RLF: variants seen among roughly 807,000 people sequenced by gnomAD.
The protein encoded by RLF is zinc finger protein Rlf.
Under a neutral mutation model 162.9 loss-of-function variants are expected in RLF, and 7 were observed. The observed-to-expected ratio is 0.04, with a 90% confidence interval of 0.02 to 0.08. RLF has a LOEUF of 0.08. RLF is among the 10% of genes least tolerant of loss of function. RLF has a pLI of 1.00. For synonymous variants in RLF, 782 were observed against 791.5 expected (o/e 0.99, Z 0.20); for missense variants, 1,664 against 2,244.7 (o/e 0.74, Z 5.23).
chr1:40,231,130 G>A (rs370483758), intron 6 of RLF, among the ~76,000 whole-genome samples: 3 of 152,190 alleles, frequency 2.0e-5, no homozygotes, highest in Admixed American at 6.5e-5. Flanking sequence ...TATATATTTC[G>A]TTGTTAATTT....
intron 5 of RLF, among the ~76,000 whole-genome samples, chr1:40,217,136 TC>T (rs1480118107): frequency 6.6e-6 from 1 of 152,084 alleles, no homozygotes; most frequent in Non-Finnish European, 1.5e-5. Context: ...CCTCACCTTC[TC>T]CTTTTTTTCT....
At chr1:40,219,379 A>G (rs939188266) in intron 5 of RLF, among the ~76,000 whole-genome samples, 1 of 152,208 alleles carries the variant, frequency 6.6e-6, no homozygotes, top group African/African-American at 2.4e-5. Flanking sequence ...AATAAGATCT[A>G]GTATCTGTTT....
chr1:40,163,840 T>A (rs1557734430), intron 1 of RLF, among the ~76,000 whole-genome samples: 2 of 152,212 alleles, frequency 1.3e-5, no homozygotes, highest in Admixed American at 6.5e-5. Flanking sequence ...ATAGAAAATT[T>A]GTGTACAAGT....
In RLF at chr1:40,237,643, T is replaced by C. The variant is rs559604336; in HGVS notation, c.2941T>C (p.Tyr981His). 5.0e-5 allele frequency: 80 copies of C among 1,613,992 alleles called. No homozygotes were observed. Among genetic ancestry groups the C allele is most frequent in the Non-Finnish European group, 5.5e-5 (65 of 1,180,004 alleles). Residue 981 changes from tyrosine to histidine, a missense_variant, in exon 8 of 8, where the codon TAC (tyrosine) becomes CAC (histidine). Transcript: ENST00000372771. The surrounding 1 kb of genome is among the most constrained non-coding windows in gnomAD (Gnocchi z 4.4). The part of the protein sequence containing the change: ...MQKHLRKVHP[Y>H]HFKPKKIKTK... ...GAAACATTTACGGAAGGTTCATCCA[T>C]ACCATTTCAAGCCCAAAAAGATAAA...
chr1:40,201,963 CTT>C (rs1214249690), intron 4 of RLF, among the ~76,000 whole-genome samples: 2 of 152,076 alleles, frequency 1.3e-5, no homozygotes, highest in Non-Finnish European at 2.9e-5. Flanking sequence ...GTGGAACACA[CTT>C]TGAGAAATGC....
At chr1:40,208,569 C>G (rs1407152993) in intron 5 of RLF, among the ~76,000 whole-genome samples, 1 of 152,128 alleles carries the variant, frequency 6.6e-6, no homozygotes, top group African/African-American at 2.4e-5. Flanking sequence ...AATCCCAGCA[C>G]TTTGGGATGC....
At chr1:40,221,603 A>G (rs1642995328) in intron 5 of RLF, among the ~76,000 whole-genome samples, 1 of 150,522 alleles carries the variant, frequency 6.6e-6, no homozygotes, top group Non-Finnish European at 1.5e-5. Flanking sequence ...ATTTGCTCTG[A>G]TGCAAAAAAA....
intron 7 of RLF, among the ~76,000 whole-genome samples, chr1:40,235,573 C>A (rs1436816163): frequency 6.6e-6 from 1 of 152,150 alleles, no homozygotes; most frequent in Non-Finnish European, 1.5e-5. Context: ...CTTTAATACA[C>A]AGTGCCTAGT....
chr1:40,236,865 A>T lies in RLF; in HGVS notation c.2163A>T (p.Arg721=). Residue 721 remains arginine (R), a synonymous_variant, in exon 8 of 8, where the codon CGA becomes CGT. Coordinates refer to ENST00000372771, the MANE Select transcript of RLF (RefSeq NM_012421.4). The surrounding 1 kb of genome is among the most constrained non-coding windows in gnomAD (Gnocchi z 7.7). ...GAGAGAAGTGTACTTACTGTCGACG[A>T]CATTTTATGTCTGCTTTTCACCTTC... ...NRREKCTYCR[R]HFMSAFHLRE... The T allele has an allele frequency of 6.2e-7, 1 of 1,614,198 alleles. No homozygotes were observed. Among genetic ancestry groups the T allele is most frequent in the South Asian group, 1.1e-5 (1 of 91,080 alleles).
chr1:40,227,893 C>G (rs1176512920), intron 6 of RLF, among the ~76,000 whole-genome samples: 1 of 152,076 alleles, frequency 6.6e-6, no homozygotes, highest in Non-Finnish European at 1.5e-5. Context: ...ATCACAGCTA[C>G]TAGGGAGGCT....
At chr1:40,164,762 A>G (rs1415908933) in intron 1 of RLF, among the ~76,000 whole-genome samples, 2 of 152,264 alleles carry the variant, frequency 1.3e-5, no homozygotes, top group East Asian at 1.9e-4. Flanking sequence ...TCAAAATTGA[A>G]ATTATTGAGT....
In RLF at chr1:40,237,082, C is replaced by G; in HGVS notation, c.2380C>G (p.Gln794Glu). 6.2e-7 allele frequency: 1 copy of G among 1,614,132 alleles called. No individual in the cohort carries two copies. Among genetic ancestry groups the G allele is most frequent in the Non-Finnish European group, 8.5e-7 (1 of 1,180,018 alleles). The change falls in exon 8 of 8, where the codon CAA (glutamine) becomes GAA (glutamate). Residue 794 changes from glutamine to glutamate, a missense_variant. Around this residue, in one of 15 missense-constraint regions of RLF, gnomAD observed 69 missense variants for 206.4 expected, o/e 0.33. Coordinates refer to ENST00000372771, the MANE Select transcript of RLF (RefSeq NM_012421.4). This position sits in a 1 kb window ranked among gnomAD's most constrained non-coding sequence, Gnocchi z 4.4. The part of the protein sequence containing the change: ...DLGQLYHHEA[Q>E]HFRDASYTCN... Reference sequence around the variant, plus strand: ...GGGACAGCTTTACCACCATGAAGCACAACACTTTAGGGATGCATCTTACAC... The same window carrying G: ...GGGACAGCTTTACCACCATGAAGCAGAACACTTTAGGGATGCATCTTACAC...
intron 5 of RLF, among the ~76,000 whole-genome samples, chr1:40,213,424 C>T (rs1480155529): frequency 1.3e-5 from 2 of 152,154 alleles, no homozygotes; most frequent in Non-Finnish European, 2.9e-5. Flanking sequence ...GCATTGGTGA[C>T]CATTTATTTC....
intron 1 of RLF, among the ~76,000 whole-genome samples, chr1:40,188,135 C>T (rs577601286): frequency 4.3e-4 from 66 of 152,094 alleles, no homozygotes; most frequent in Non-Finnish European, 8.1e-4. Context: ...AAAACCTAAT[C>T]AGTTGTCAGA....
chr1:40,237,386 A>T lies in RLF; in HGVS notation c.2684A>T (p.Asn895Ile), dbSNP rs759275039. Residue 895 changes from asparagine (N) to isoleucine (I), a missense_variant, in exon 8 of 8, where the codon AAT becomes ATT. Around this residue, in one of 15 missense-constraint regions of RLF, gnomAD observed 295 missense variants for 317.4 expected, o/e 0.93. Transcript: ENST00000372771. This position sits in a 1 kb window ranked among gnomAD's most constrained non-coding sequence, Gnocchi z 4.4. ...AACCTGAAAGAAAACAGTGACAGTA[A>T]TTCTAGTGATCAGTTAAGTCATAGC... ...AENLKENSDS[N>I]SSDQLSHSSS... 5.0e-6 allele frequency: 8 copies of T among 1,613,982 alleles called. No homozygotes were observed. Among genetic ancestry groups the T allele is most frequent in the Non-Finnish European group, 6.8e-6 (8 of 1,179,978 alleles).
At chr1:40,225,037 C>T (rs1643050171) in intron 6 of RLF, among the ~76,000 whole-genome samples, 1 of 151,934 alleles carries the variant, frequency 6.6e-6, no homozygotes, top group Non-Finnish European at 1.5e-5. Flanking sequence ...GAATTCTGTT[C>T]ATATGAGATA....
intron 7 of RLF, among the ~76,000 whole-genome samples, chr1:40,233,273 C>T (rs929132197): frequency 6.6e-6 from 1 of 152,076 alleles, no homozygotes; most frequent in Admixed American, 6.6e-5. Context: ...CTTTCAGTAA[C>T]TTTTTGGCAT....
chr1:40,214,607 C>A (rs1320338390), intron 5 of RLF, among the ~76,000 whole-genome samples: 1 of 151,942 alleles, frequency 6.6e-6, no homozygotes, highest in Admixed American at 6.6e-5. Flanking sequence ...ATTCAGAGAA[C>A]TAAAGGAAAC....
intron 1 of RLF, among the ~76,000 whole-genome samples, chr1:40,170,019 C>A (rs1316932488): frequency 1.3e-5 from 2 of 151,962 alleles, no homozygotes; most frequent in African/African-American, 2.4e-5. Flanking sequence ...TGTTAAAATA[C>A]GTTGTGAATT....
Sources: gnomAD v4.1 joint callset for allele counts (sites outside exome capture counted in the v4.1 genomes callset) on GRCh38, gnomAD v4.1.1 for gene constraint, gnomAD v4.1.1 regional missense constraint, Gnocchi (gnomAD v3.1) non-coding constraint, MANE v1.5 for transcripts, NCBI Gene and HGNC (gene_info 2026-07-23, HGNC 2026-07-21) for gene names.